The following PRKN variants were observed in gnomAD, a reference collection of about 807,000 sequenced individuals.
PRKN encodes E3 ubiquitin-protein ligase parkin.
A neutral mutation model predicts 59.5 loss-of-function variants in PRKN; 56 were observed. The ratio of observed to expected loss-of-function variants is 0.94; its 90% CI spans 0.76 to 1.18. The LOEUF is 1.18. Ranked by LOEUF, PRKN falls within the 50% of genes most tolerant of loss-of-function variation. The pLI, the probability that PRKN is intolerant of heterozygous loss-of-function variation, is 0.00. For missense variants in PRKN, 657 were observed against 596.4 expected, an observed-to-expected ratio of 1.10 and a Z score of -1.06; for synonymous variants, 250 against 222.1, an observed-to-expected ratio of 1.13 and a Z score of -1.12.
intron 7 of PRKN, among the ~76,000 whole-genome samples, chr6:161,712,884 C>A (rs576513259): frequency 2.5e-3 from 380 of 152,188 alleles, no homozygotes; most frequent in Non-Finnish European, 4.5e-3. Flanking sequence ...GGGGGACTTG[C>A]CACATATACC....
intron 6 of PRKN, among the ~76,000 whole-genome samples, chr6:161,858,858 CTTTT>C (rs71544920): frequency 1.1e-4 from 8 of 71,934 alleles, no homozygotes; most frequent in African/African-American, 3.0e-4. Context: ...CACAGCTGTA[CTTTT>C]TTTTTTTTTT....
chr6:162,235,966 A>G lies in PRKN; in HGVS notation c.412+26559T>C, dbSNP rs767045833. Among the ~76,000 whole-genome samples, 122 of 73,220 alleles carry G rather than the reference A, an allele frequency of 1.7e-3. 1 individual carries two copies. Among genetic ancestry groups the G allele is most frequent in the East Asian group, 7.5e-3 (6 of 798 alleles). The allele number at this position is 73,220 out of a possible 152,430, so 48.0% of individuals were successfully genotyped here. On this transcript the variant is annotated intron_variant, in intron 3 of 11. Coordinates refer to ENST00000366898, the MANE Select transcript of PRKN (RefSeq NM_004562.3). ...GGAAGGAAGGAAGAAAGGAAGAAAGAAAGAAAGAAAGAAAGAAAGAAAGAA... is the reference window on the plus strand; with the variant it reads ...GGAAGGAAGGAAGAAAGGAAGAAAGGAAGAAAGAAAGAAAGAAAGAAAGAA...
intron 1 of PRKN, among the ~76,000 whole-genome samples, chr6:162,461,499 C>CAAAAAAAAAAAAAAAAAAAAAAA (rs780424226): frequency 1.1e-3 from 39 of 36,512 alleles, no homozygotes; most frequent in East Asian, 1.4e-3. Flanking sequence ...TAAAGTGTCT[C>CAAAAAAAAAAAAAAAAAAAAAAA]AAAAAAAAAA....
intron 1 of PRKN, among the ~76,000 whole-genome samples, chr6:162,587,705 G>C (rs1376315382): frequency 1.3e-5 from 2 of 152,108 alleles, no homozygotes; most frequent in East Asian, 3.8e-4. Context: ...AAGCATAATA[G>C]ACTATCAGTT....
intron 5 of PRKN, among the ~76,000 whole-genome samples, chr6:161,989,489 T>A (rs1270748699): frequency 6.6e-6 from 1 of 152,108 alleles, no homozygotes; most frequent in Non-Finnish European, 1.5e-5. Flanking sequence ...GTCTGCCCTG[T>A]CCTTGATGCC....
intron 6 of PRKN, among the ~76,000 whole-genome samples, chr6:161,959,864 A>G (rs966501367): frequency 6.6e-6 from 1 of 152,192 alleles, no homozygotes; most frequent in Admixed American, 6.5e-5. Context: ...AAATTTAGGA[A>G]ATTAAAGTCA....
In PRKN at chr6:162,558,419, T is replaced by G. The variant is rs528862447; in HGVS notation, c.8-114946A>C. Among the ~76,000 whole-genome samples the G allele has an allele frequency of 1.2e-4, 18 of 146,074 alleles. No homozygotes were observed. In the South Asian group the frequency reaches 3.0e-3, roughly 24 times the overall value. ...ATCTCGGCTCACTGCAACCTCCGCC[T>G]CCTGGGTTCAAGCGATTCTCCTGCC... On this transcript the variant is annotated intron_variant, in intron 1 of 11. Transcript: ENST00000366898.
chr6:162,582,707 G>A (rs769168705), intron 1 of PRKN, among the ~76,000 whole-genome samples: 28 of 152,076 alleles, frequency 1.8e-4, no homozygotes, highest in Non-Finnish European at 3.4e-4. Context: ...TTTGAATCCC[G>A]CATAAGACCT....
chr6:162,564,768 C>A (rs1177626312), intron 1 of PRKN, among the ~76,000 whole-genome samples: 1 of 150,482 alleles, frequency 6.6e-6, no homozygotes, highest in African/African-American at 2.4e-5. Flanking sequence ...ATCCTTTAAA[C>A]ATGAAGGAGA....
At chr6:162,182,286 G>A (rs1954946) in intron 4 of PRKN, among the ~76,000 whole-genome samples, 22,641 of 152,102 alleles carry the variant, frequency 0.15, 1,950 homozygotes, top group South Asian at 0.36. Context: ...TTCAATCTGC[G>A]TTTACATTTA....
In PRKN at chr6:161,532,184, AT is replaced by A. The variant is rs1189912554; in HGVS notation, c.1083+16669del. On this transcript the variant is annotated intron_variant, in intron 9 of 11. Transcript: ENST00000366898. The stretch of plus-strand genomic sequence containing the variant: ...TCTCTCTCTATATATATATATATAT[AT>A]ATATATAATCTATCTATGTGTCTAT... Among the ~76,000 whole-genome samples the A allele has an allele frequency of 6.9e-5, 10 of 144,536 alleles. No individual in the cohort carries two copies. The East Asian group carries it at 1.4e-3, about 20-fold the overall frequency. 94.8% of individuals were successfully genotyped at this position (144,536 alleles called of 152,430 possible). A position where few individuals can be genotyped will look rare whatever the true frequency, so the allele number is the denominator to read the frequency against.
rs570297294 is a variant in PRKN at position 161,468,280 on chromosome 6, C to T, written c.1083+80574G>A. On this transcript the variant is annotated intron_variant, in intron 9 of 11. Coordinates refer to ENST00000366898, the MANE Select transcript of PRKN (RefSeq NM_004562.3). The surrounding 1 kb of genome is among the most constrained non-coding windows in gnomAD (Gnocchi z 5.9). The stretch of plus-strand genomic sequence containing the variant: ...GAGCCGCCATGCCCAGCCTCTTACC[C>T]TATACTTTAAAACAAAAACAAAAAA... Among the ~76,000 whole-genome samples the T allele has an allele frequency of 6.6e-6, 1 of 151,828 alleles. No individual in the cohort carries two copies. Among genetic ancestry groups the T allele is most frequent in the Non-Finnish European group, 1.5e-5 (1 of 67,980 alleles).
In PRKN at chr6:161,446,388, G is replaced by A. The variant is rs1309173172; in HGVS notation, c.1084-59511C>T. On this transcript the variant is annotated intron_variant, in intron 9 of 11. Transcript: ENST00000366898. The surrounding 1 kb of genome is among the most constrained non-coding windows in gnomAD (Gnocchi z 6.2). Reference sequence around the variant, plus strand: ...ACTGGGAGATGCCAGCAGACACTGAGACCCAAAGGGGCCTGGCTTGGGACC... The same window carrying A: ...ACTGGGAGATGCCAGCAGACACTGAAACCCAAAGGGGCCTGGCTTGGGACC... 2.6e-5 allele frequency among the ~76,000 whole-genome samples: 4 copies of A among 152,062 alleles called. No individual in the cohort carries two copies. Among genetic ancestry groups the A allele is most frequent in the African/African-American group, 9.7e-5 (4 of 41,382 alleles).
At chr6:161,914,432 C>T (rs1201239856) in intron 6 of PRKN, among the ~76,000 whole-genome samples, 2 of 152,070 alleles carry the variant, frequency 1.3e-5, no homozygotes, top group East Asian at 1.9e-4. Flanking sequence ...TGGTGATTAT[C>T]TCTGAGGATA....
intron 4 of PRKN, among the ~76,000 whole-genome samples, chr6:162,152,071 T>C (rs1254043062): frequency 1.3e-5 from 2 of 152,176 alleles, no homozygotes; most frequent in Non-Finnish European, 2.9e-5. Flanking sequence ...AAAGGTCACT[T>C]TTTACTAAGA....
At chr6:161,743,280 T>C (rs1214013287) in intron 7 of PRKN, among the ~76,000 whole-genome samples, 1 of 136,810 alleles carries the variant, frequency 7.3e-6, no homozygotes, top group East Asian at 2.4e-4. Flanking sequence ...AGTGCAGTGG[T>C]GCAATCTCGG....
Position 161,495,912 on chromosome 6 carries a change from A to G in PRKN, c.1083+52942T>C, listed in dbSNP as rs955058311. On this transcript the variant is annotated intron_variant, in intron 9 of 11. Transcript: ENST00000366898. ...TTCTGAAGACTAGGTTACAGCCCTC[A>G]CTCCATACTACCATGGCACCCTGAG... 4.0e-5 allele frequency among the ~76,000 whole-genome samples: 6 copies of G among 151,768 alleles called. No homozygotes were observed. In the East Asian group the frequency reaches 1.2e-3, roughly 29 times the overall value.
intron 9 of PRKN, among the ~76,000 whole-genome samples, chr6:161,482,715 T>C (rs1044254248): frequency 6.6e-6 from 1 of 152,218 alleles, no homozygotes; most frequent in South Asian, 2.1e-4. Context: ...TTCTCCACCA[T>C]GAGGCCAGCA....
In PRKN at chr6:161,379,379, G is replaced by A. The variant is rs976379886; in HGVS notation, c.1167+7415C>T. ...TGCAACTTCAAGACCAGCTGTGGCA[G>A]CATGAGCTACATATAGTTTACCCTG... On this transcript the variant is annotated intron_variant, in intron 10 of 11. Coordinates refer to ENST00000366898, the MANE Select transcript of PRKN (RefSeq NM_004562.3). The surrounding 1 kb of genome is among the most constrained non-coding windows in gnomAD (Gnocchi z 4.9). 1.3e-5 allele frequency among the ~76,000 whole-genome samples: 2 copies of A among 152,148 alleles called. No individual in the cohort carries two copies. Among genetic ancestry groups the A allele is most frequent in the Admixed American group, 1.3e-4 (2 of 15,276 alleles).
Sources: gnomAD v4.1 joint callset for allele counts (sites outside exome capture counted in the v4.1 genomes callset) on GRCh38, gnomAD v4.1.1 for gene constraint, Gnocchi (gnomAD v3.1) non-coding constraint, MANE v1.5 for transcripts, NCBI Gene and HGNC (gene_info 2026-07-23, HGNC 2026-07-21) for gene names.